WDFY3: variants seen among roughly 807,000 people sequenced by gnomAD.
WDFY3 encodes the protein WD repeat and FYVE domain containing 3.
WDFY3 carries 66 observed loss-of-function variants against 409.6 expected under a neutral mutation model. The observed-to-expected ratio is 0.16, with a 90% CI of 0.13 to 0.20. The LOEUF (loss-of-function observed/expected upper bound fraction) is 0.20, where lower values mean the gene tolerates loss of function less well. Ranked by LOEUF, WDFY3 falls within the 10% of genes least tolerant of loss-of-function variation. WDFY3 has a pLI of 1.00. For missense variants in WDFY3, 3,031 were observed against 4,298.1 expected, an observed-to-expected ratio of 0.71 and a Z score of 8.24; for synonymous variants, 1,521 against 1,537.1, an observed-to-expected ratio of 0.99 and a Z score of 0.25.
intron 3 of WDFY3, among the ~76,000 whole-genome samples, chr4:84,894,648 A>G (rs1044878656): frequency 2.0e-5 from 3 of 152,096 alleles, no homozygotes; most frequent in Non-Finnish European, 4.4e-5. Flanking sequence ...TTAGCCGGGC[A>G]TGGGGCACAC....
chr4:84,956,110 T>C (rs1774207513), intron 1 of WDFY3, among the ~76,000 whole-genome samples: 1 of 152,218 alleles, frequency 6.6e-6, no homozygotes, highest in Non-Finnish European at 1.5e-5. Context: ...TTTAAGTCTA[T>C]ATTGGCTGGA....
intron 3 of WDFY3, among the ~76,000 whole-genome samples, chr4:84,864,494 C>T (rs1001053260): frequency 1.3e-5 from 2 of 151,328 alleles, no homozygotes; most frequent in African/African-American, 4.9e-5. Context: ...AATCCATGAA[C>T]AAAAGAAATC....
Position 84,765,868 on chromosome 4 carries a change from A to G in WDFY3, c.5130T>C (p.Gly1710=), listed in dbSNP as rs768208395. ...ILIKFKEGLS[G]GGWLEQTDSV... Reference sequence around the variant, plus strand: ...AATCTGTCTGTTCAAGCCATCCTCCACCACTGAGTCCTTCTTTAAACTTGA... The same window carrying G: ...AATCTGTCTGTTCAAGCCATCCTCCGCCACTGAGTCCTTCTTTAAACTTGA... Residue 1710 remains glycine, a synonymous_variant, in exon 32 of 68, where the codon GGT becomes GGC. Coordinates refer to ENST00000295888, the MANE Select transcript of WDFY3 (RefSeq NM_014991.6). 38 of 1,613,794 alleles carry G rather than the reference A, an allele frequency of 2.4e-5. No homozygotes were observed. The highest frequency in any genetic ancestry group is 3.1e-5 in the Non-Finnish European group (36 of 1,179,946).
intron 1 of WDFY3, among the ~76,000 whole-genome samples, chr4:84,948,294 T>A (rs1579251792): frequency 1.3e-5 from 2 of 152,180 alleles, no homozygotes; most frequent in Admixed American, 6.5e-5. Context: ...GTGTGTAAGT[T>A]TGTTCATTTT....
At chr4:84,860,766 A>G in intron 3 of WDFY3, 144 bp from the exon 4 acceptor site, 1 of 784,120 alleles carries the variant, frequency 1.3e-6, no homozygotes, top group Non-Finnish European at 1.7e-6. Flanking sequence ...CAGAAAAGAC[A>G]GAGAAGCAAA....
chr4:84,783,374 G>A (rs1042716414), intron 24 of WDFY3, among the ~76,000 whole-genome samples: 1 of 152,168 alleles, frequency 6.6e-6, no homozygotes, highest in Non-Finnish European at 1.5e-5. Context: ...CATTACTCAG[G>A]AGGCAGAGGT....
At chr4:84,736,541 T>C (rs112769269) in intron 41 of WDFY3, among the ~76,000 whole-genome samples, 1 of 152,042 alleles carries the variant, frequency 6.6e-6, no homozygotes, top group Non-Finnish European at 1.5e-5. Flanking sequence ...TGATAGTTGG[T>C]TGAAAGTTCA....
chr4:84,772,690 G>T (rs1445076953), intron 30 of WDFY3, 145 bp downstream of exon 30: 9 of 642,640 alleles, frequency 1.4e-5, no homozygotes, highest in Non-Finnish European at 2.3e-5. Context: ...ATACATCAGA[G>T]AAGGGCCAAA....
chr4:84,675,879 C>CT (rs1373537869), intron 67 of WDFY3, among the ~76,000 whole-genome samples: 1 of 152,096 alleles, frequency 6.6e-6, no homozygotes, highest in African/African-American at 2.4e-5. Flanking sequence ...GACCACTGAC[C>CT]TTTCATATGG....
At chr4:84,886,189 CCTT>C (rs1273157634) in intron 3 of WDFY3, among the ~76,000 whole-genome samples, 3 of 152,046 alleles carry the variant, frequency 2.0e-5, no homozygotes, top group East Asian at 1.9e-4. Context: ...TTGTATCTGT[CCTT>C]CATTAAATTT....
At chr4:84,897,173 C>T (rs755268168) in intron 2 of WDFY3, among the ~76,000 whole-genome samples, 163 bp from the exon 3 acceptor site, 2 of 152,072 alleles carry the variant, frequency 1.3e-5, no homozygotes, top group Non-Finnish European at 2.9e-5. Context: ...CTCTGATGCC[C>T]GGAAGCCACA....
intron 7 of WDFY3, among the ~76,000 whole-genome samples, chr4:84,834,137 C>A (rs915283300): frequency 8.5e-5 from 13 of 152,140 alleles, no homozygotes; most frequent in Non-Finnish European, 1.8e-4. Context: ...ATTAGCGAGA[C>A]AAATGCCAGT....
At position 84,780,258 on chromosome 4, in the gene WDFY3, C is replaced by A; in HGVS notation, c.4215G>T (p.Leu1405Phe). The change falls in exon 26 of 68, where the codon TTG becomes TTT. Residue 1405 changes from leucine to phenylalanine, a missense_variant. By Grantham distance (22) the Leu-to-Phe change is conservative (BLOSUM62 0). Transcript: ENST00000295888. ...TGGCTGCAGCTCCACCAACGTACTGCAAAGTAGTGGCAACAGGCTTAGGGA... is the reference window on the plus strand; with the variant it reads ...TGGCTGCAGCTCCACCAACGTACTGAAAAGTAGTGGCAACAGGCTTAGGGA... ...TFVPKPVATT[L>F]QYVGGAAAIL... 1 of 1,613,608 alleles carries A rather than the reference C, an allele frequency of 6.2e-7. No individual in the cohort carries two copies. The highest frequency in any genetic ancestry group is 8.5e-7 in the Non-Finnish European group (1 of 1,179,826).
At chr4:84,903,357 T>C (rs1213700952) in intron 2 of WDFY3, among the ~76,000 whole-genome samples, 4 of 152,198 alleles carry the variant, frequency 2.6e-5, no homozygotes, top group African/African-American at 7.2e-5. Context: ...TCTCACTCTA[T>C]GGCACAGGCT....
At chr4:84,814,645 G>A (rs938683631) in intron 13 of WDFY3, among the ~76,000 whole-genome samples, 4 of 152,078 alleles carry the variant, frequency 2.6e-5, no homozygotes, top group Non-Finnish European at 4.4e-5. Context: ...CAACTGTGGA[G>A]GTTTCCCAGT....
intron 13 of WDFY3, among the ~76,000 whole-genome samples, chr4:84,814,431 C>G (rs1039554394): frequency 6.6e-6 from 1 of 152,154 alleles, no homozygotes; most frequent in Non-Finnish European, 1.5e-5. Flanking sequence ...GTTTTAGTTA[C>G]CTGTGCTCAA....
At chr4:84,845,692 C>A (rs768799161) in intron 5 of WDFY3, among the ~76,000 whole-genome samples, 5 of 151,768 alleles carry the variant, frequency 3.3e-5, no homozygotes, top group African/African-American at 4.8e-5. Context: ...CTAGAAAAAT[C>A]AATAGGTCAC....
At position 84,678,768 on chromosome 4, in the gene WDFY3, C is replaced by A. The variant is rs1452050214; in HGVS notation, c.10147+151G>T. The A allele has an allele frequency of 1.5e-5, 12 of 794,632 alleles. No homozygotes were observed. In the East Asian group the frequency reaches 3.1e-4, roughly 20 times the overall value. The allele number at this position is 794,632 out of a possible 1,614,324, so 49.2% of individuals were successfully genotyped here. ...TTACACTAGAAGAAACTGAAGAGGCCTTCTGTGTAAAGAGGCATTCTGTGT... is the reference window on the plus strand; with the variant it reads ...TTACACTAGAAGAAACTGAAGAGGCATTCTGTGTAAAGAGGCATTCTGTGT... On this transcript the variant is annotated intron_variant, in intron 65 of 67. Transcript: ENST00000295888.
chr4:84,940,410 C>T (rs779207414), intron 1 of WDFY3, among the ~76,000 whole-genome samples: 1 of 151,898 alleles, frequency 6.6e-6, no homozygotes, highest in Non-Finnish European at 1.5e-5. Flanking sequence ...TCCCCATTTC[C>T]GTCCTTATTT....
Sources: allele counts gnomAD v4.1 joint callset (sites outside exome capture counted in the v4.1 genomes callset), GRCh38; gene constraint gnomAD v4.1.1; transcripts MANE v1.5; gene names NCBI Gene and HGNC (gene_info 2026-07-23, HGNC 2026-07-21).